DAP3: variants seen among roughly 807,000 people sequenced by gnomAD.
DAP3 encodes death associated protein 3.
In DAP3, 28 loss-of-function variants were observed where a neutral mutation model predicts 51.9. The observed-to-expected ratio is 0.54, with a 90% confidence interval of 0.40 to 0.74. DAP3 has a LOEUF of 0.74. DAP3 is among the 30% of genes least tolerant of loss of function. The probability of loss-of-function intolerance (pLI) is 0.00; values close to 1 mark genes in which losing one functional copy is unlikely to be tolerated. For synonymous variants in DAP3, 170 were observed against 170.3 expected (o/e 1.00, Z 0.01); for missense variants, 458 against 483.5 (o/e 0.95, Z 0.49).
chr1:155,691,830 T>C (rs1653853967), intron 1 of DAP3, among the ~76,000 whole-genome samples: 1 of 141,470 alleles, frequency 7.1e-6, no homozygotes, highest in Non-Finnish European at 1.5e-5. Flanking sequence ...TTTCTTAATT[T>C]TGGGGGACCA....
intron 2 of DAP3, among the ~76,000 whole-genome samples, 176 bp from the exon 3 acceptor site, chr1:155,716,830 C>A (rs1657391873): frequency 6.6e-6 from 1 of 151,754 alleles, no homozygotes; most frequent in South Asian, 2.1e-4. Context: ...GCCTGTAATC[C>A]CAGTTACTCA....
intron 11 of DAP3, among the ~76,000 whole-genome samples, chr1:155,733,990 CA>C (rs879821600): frequency 7.9e-5 from 12 of 151,646 alleles, no homozygotes; most frequent in Middle Eastern, 3.4e-3. Context: ...CCCATCTCTA[CA>C]AAAAAAAATT....
At chr1:155,720,324 CAAAAAAAAAAAA>C (rs61252469) in intron 3 of DAP3, among the ~76,000 whole-genome samples, 8 of 32,810 alleles carry the variant, frequency 2.4e-4, no homozygotes, top group Non-Finnish European at 3.6e-4. Context: ...GATCTTGTCT[CAAAAAAAAAAAA>C]AAAAAAAAAA....
At chr1:155,689,446 A>T (rs776058541) in intron 1 of DAP3, 107 of 463,540 alleles carry the variant, frequency 2.3e-4, no homozygotes, top group Non-Finnish European at 4.1e-4. Flanking sequence ...CATGGATGGT[A>T]CTTCAGCCTC....
At chr1:155,691,376 T>C (rs1007960500) in intron 1 of DAP3, among the ~76,000 whole-genome samples, 1 of 142,286 alleles carries the variant, frequency 7.0e-6, no homozygotes, top group African/African-American at 3.2e-5. Context: ...TATGCAACTG[T>C]CTTCTTTTAC....
At chr1:155,712,252 T>G (rs1330012747) in intron 2 of DAP3, among the ~76,000 whole-genome samples, 1 of 152,196 alleles carries the variant, frequency 6.6e-6, no homozygotes, top group East Asian at 1.9e-4. Context: ...TACAGATGGT[T>G]GTTTTCTCTG....
intron 1 of DAP3, among the ~76,000 whole-genome samples, chr1:155,708,646 T>C (rs1656301833): frequency 1.4e-5 from 2 of 147,172 alleles, no homozygotes; most frequent in Admixed American, 6.8e-5. Context: ...GCAATCCTCC[T>C]GCCTTAGCCT....
intron 4 of DAP3, among the ~76,000 whole-genome samples, chr1:155,722,692 C>T (rs1395869151): frequency 3.3e-5 from 5 of 151,716 alleles, no homozygotes; most frequent in Non-Finnish European, 4.4e-5. Context: ...GTAGCTGCTT[C>T]GGAGGCTGAG....
chr1:155,731,551 G>A (rs1226028233), intron 10 of DAP3, 136 bp downstream of exon 10: 1 of 808,078 alleles, frequency 1.2e-6, no homozygotes, highest in Non-Finnish European at 1.9e-6. Context: ...TTTAATTCCT[G>A]TATCTGTACC....
At chr1:155,709,941 C>G in intron 2 of DAP3, 117 bp downstream of exon 2, 1 of 878,186 alleles carries the variant, frequency 1.1e-6, no homozygotes, top group Non-Finnish European at 1.8e-6. Flanking sequence ...TCATATGTAA[C>G]AGGTTTCAGT....
At chr1:155,716,722 G>C (rs1657378109) in intron 2 of DAP3, among the ~76,000 whole-genome samples, 1 of 152,046 alleles carries the variant, frequency 6.6e-6, no homozygotes. Flanking sequence ...GAGGCGGGCA[G>C]ATCACCTGAG....
chr1:155,692,109 T>C lies in DAP3; in HGVS notation c.-8+2935T>C, dbSNP rs1246403216. Among the ~76,000 whole-genome samples the C allele has an allele frequency of 7.0e-5, 10 of 141,988 alleles. 1 individual carries two copies. The highest frequency in any genetic ancestry group is 1.0e-4 in the Non-Finnish European group (7 of 68,046). The allele number at this position is 141,988 out of a possible 152,430, so 93.1% of individuals were successfully genotyped here. On this transcript the variant is annotated intron_variant, in intron 1 of 12. Transcript: ENST00000368336. The stretch of plus-strand genomic sequence containing the variant: ...GGTTTAAGTGAATCTCCTTTGTGCT[T>C]AAACAACGTATCTTTAGTTAGCTGG...
chr1:155,688,375 G>C (rs1489350405), upstream of DAP3: 1 of 1,544,652 alleles, frequency 6.5e-7, no homozygotes, highest in East Asian at 2.4e-5. Flanking sequence ...GAGGGAGGGA[G>C]CTAAGGGCGC....
intron 1 of DAP3, among the ~76,000 whole-genome samples, chr1:155,694,013 C>A (rs980954484): frequency 7.1e-6 from 1 of 141,624 alleles, no homozygotes; most frequent in Non-Finnish European, 1.5e-5. Flanking sequence ...ATCAATATTT[C>A]TAAATCATTT....
chr1:155,731,371 T>A lies in DAP3; in HGVS notation c.859T>A (p.Leu287Ile). Reference protein sequence around the residue: ...EDKSPIAPEELALVHNLRKMM... With the variant: ...EDKSPIAPEEIALVHNLRKMM... ...CGATATGCAGATTGCCCCCGAGGAA[T>A]TAGCACTTGTTCACAACTTGAGGAA... The change falls in exon 10 of 13, where the codon TTA becomes ATA. Residue 287 changes from leucine (L) to isoleucine (I), a missense_variant. By Grantham distance (5) the Leu-to-Ile change is conservative (BLOSUM62 2). Transcript: ENST00000368336. 1.2e-6 allele frequency: 2 copies of A among 1,614,050 alleles called. No homozygotes were observed. Among genetic ancestry groups the A allele is most frequent in the Non-Finnish European group, 1.7e-6 (2 of 1,179,994 alleles).
intron 7 of DAP3, among the ~76,000 whole-genome samples, chr1:155,728,013 G>A (rs1295202412): frequency 1.3e-5 from 2 of 151,626 alleles, no homozygotes; most frequent in African/African-American, 2.4e-5. Flanking sequence ...CCAATCCCTC[G>A]CAAGCACATT....
At chr1:155,697,242 G>C (rs1016301026) in intron 1 of DAP3, among the ~76,000 whole-genome samples, 2 of 152,116 alleles carry the variant, frequency 1.3e-5, no homozygotes, top group Non-Finnish European at 2.9e-5. Context: ...CTGAGTTTCA[G>C]GCTCCCTCCC....
chr1:155,701,843 TAAG>T lies in DAP3; in HGVS notation c.-7-7929_-7-7927del, dbSNP rs1655325846. ...TGGATCCTTGTGTTTTCACAACCCT[TAAG>T]GTTAGAGCCAACTTTCAAAAAGAAT... On this transcript the variant is annotated intron_variant, in intron 1 of 12. Transcript: ENST00000368336. 2.0e-5 allele frequency among the ~76,000 whole-genome samples: 3 copies of T among 151,662 alleles called. 1 individual carries two copies. Among genetic ancestry groups the T allele is most frequent in the Non-Finnish European group, 1.5e-5 (1 of 67,960 alleles).
At chr1:155,704,525 C>T (rs1193427971) in intron 1 of DAP3, among the ~76,000 whole-genome samples, 4 of 152,108 alleles carry the variant, frequency 2.6e-5, no homozygotes, top group Non-Finnish European at 5.9e-5. Context: ...TGACATTGCA[C>T]TCTAGAAAAG....
Sources: gnomAD v4.1 joint callset for allele counts (sites outside exome capture counted in the v4.1 genomes callset) on GRCh38, gnomAD v4.1.1 for gene constraint, MANE v1.5 for transcripts, NCBI Gene and HGNC (gene_info 2026-07-23, HGNC 2026-07-21) for gene names.